Variants in BEND6 observed in about 807,000 individuals in gnomAD.
BEND6 encodes the protein BEN domain containing 6, also known as BEN domain-containing protein 6.
In BEND6, 24 loss-of-function variants were observed where a neutral mutation model predicts 31.8. The observed-to-expected ratio is 0.75, with a 90% CI of 0.55 to 1.06. The LOEUF is 1.06. Ranked by LOEUF, BEND6 falls within the 50% of genes least tolerant of loss-of-function variation. BEND6 has a pLI of 0.00. For synonymous variants in BEND6, 109 were observed against 114.6 expected (o/e 0.95, Z 0.31); for missense variants, 294 against 327.4 (o/e 0.90, Z 0.79).
At chr6:56,978,266 G>C (rs940766788) in intron 1 of BEND6, among the ~76,000 whole-genome samples, 13 of 152,184 alleles carry the variant, frequency 8.5e-5, no homozygotes, top group African/African-American at 2.9e-4. Context: ...CTGGGTGAGA[G>C]AGCAAGACCC....
chr6:56,995,246 A>T (rs1826663946), intron 3 of BEND6, among the ~76,000 whole-genome samples: 1 of 151,332 alleles, frequency 6.6e-6, no homozygotes, highest in East Asian at 1.9e-4. Flanking sequence ...CAAAAACCTC[A>T]CTTTCAGACC....
chr6:56,995,818 G>A (rs1007076162), intron 3 of BEND6, among the ~76,000 whole-genome samples: 20 of 152,230 alleles, frequency 1.3e-4, no homozygotes, highest in African/African-American at 4.3e-4. Context: ...TTAGTCTTCC[G>A]ACACATCTTT....
intron 1 of BEND6, among the ~76,000 whole-genome samples, chr6:56,956,544 C>T (rs1825045318): frequency 6.6e-6 from 1 of 152,324 alleles, no homozygotes; most frequent in South Asian, 2.1e-4. Flanking sequence ...CAGCTGGTTT[C>T]CTTAAACAAA....
chr6:57,009,926 ACTT>A (rs894987262), intron 3 of BEND6: 16 of 152,322 alleles, frequency 1.1e-4, no homozygotes, highest in South Asian at 4.1e-4. Context: ...TATGAAATGA[ACTT>A]CTGGGTAACC....
chr6:57,008,458 T>C, intron 3 of BEND6: 1 of 507,914 alleles, frequency 2.0e-6, no homozygotes, highest in Non-Finnish European at 3.5e-6. Context: ...TGGAGTGCTA[T>C]GCAGACCTGT....
At chr6:57,010,372 T>A (rs949303202) in intron 3 of BEND6, 6 of 152,232 alleles carry the variant, frequency 3.9e-5, no homozygotes, top group African/African-American at 1.2e-4. Flanking sequence ...CCTTACTGGA[T>A]CTTGATTCGA....
At chr6:56,975,271 G>A (rs1825832717) in intron 1 of BEND6, among the ~76,000 whole-genome samples, 1 of 148,598 alleles carries the variant, frequency 6.7e-6, no homozygotes, top group Admixed American at 6.7e-5. Flanking sequence ...AATGTTAAGG[G>A]GGTTGTAAAA....
intron 4 of BEND6, among the ~76,000 whole-genome samples, chr6:57,016,300 G>A (rs1827557978): frequency 6.6e-6 from 1 of 152,138 alleles, no homozygotes; most frequent in Admixed American, 6.6e-5. Flanking sequence ...TAGTGTATCA[G>A]TTACCTATTG....
chr6:56,963,942 GTAA>G (rs796638240), intron 1 of BEND6, among the ~76,000 whole-genome samples: 13 of 146,772 alleles, frequency 8.9e-5, no homozygotes, highest in African/African-American at 2.7e-4. Context: ...AAATATTTTT[GTAA>G]TAATATTGAT....
intron 1 of BEND6, among the ~76,000 whole-genome samples, chr6:56,972,977 T>C (rs556278602): frequency 6.6e-6 from 1 of 152,296 alleles, no homozygotes; most frequent in South Asian, 2.1e-4. Flanking sequence ...CTCTCTTCTG[T>C]GGAGCATTGA....
chr6:57,002,748 A>G (rs1371024576), intron 3 of BEND6, among the ~76,000 whole-genome samples: 2 of 152,176 alleles, frequency 1.3e-5, no homozygotes, highest in African/African-American at 4.8e-5. Flanking sequence ...CTAAACATTT[A>G]CCTCAAAAAG....
At chr6:56,996,725 C>T (rs1826727786) in intron 3 of BEND6, among the ~76,000 whole-genome samples, 1 of 152,206 alleles carries the variant, frequency 6.6e-6, no homozygotes, top group Non-Finnish European at 1.5e-5. Flanking sequence ...ATTTATTTTA[C>T]ACCCCACACT....
intron 3 of BEND6, among the ~76,000 whole-genome samples, chr6:56,994,786 A>G (rs1311776026): frequency 6.6e-6 from 1 of 152,204 alleles, no homozygotes; most frequent in Non-Finnish European, 1.5e-5. Flanking sequence ...AAATTTCATT[A>G]TAAATATAGA....
chr6:56,968,372 G>A (rs1459273606), intron 1 of BEND6, among the ~76,000 whole-genome samples: 1 of 124,412 alleles, frequency 8.0e-6, no homozygotes, highest in Non-Finnish European at 1.6e-5. Flanking sequence ...CCAGGCTGGA[G>A]TGCAGCAACA....
Position 57,017,201 on chromosome 6 carries a change from T to G in BEND6, c.520-6T>G. The G allele has an allele frequency of 6.4e-7, 1 of 1,570,512 alleles. No homozygotes were observed. The highest frequency in any genetic ancestry group is 8.6e-7 in the Non-Finnish European group (1 of 1,160,126). On this transcript the variant is annotated splice_polypyrimidine_tract_variant and splice_region_variant and intron_variant, in intron 4 of 6. Transcript: ENST00000370746. ...TTCCAACTTCAACTCTTTCTTATCT[T>G]TTTAGTTCCAGATTGAAAAATGGCA...
At chr6:56,999,051 G>C (rs1826830991) in intron 3 of BEND6, among the ~76,000 whole-genome samples, 2 of 152,214 alleles carry the variant, frequency 1.3e-5, no homozygotes, top group African/African-American at 4.8e-5. Context: ...TCACTCACAG[G>C]ACCCAGGCAG....
chr6:57,007,875 T>C (rs1036430299), intron 3 of BEND6, among the ~76,000 whole-genome samples: 3 of 152,054 alleles, frequency 2.0e-5, no homozygotes, highest in African/African-American at 7.2e-5. Flanking sequence ...GGAGGCCCAA[T>C]AACAGGAAGC....
At chr6:57,001,545 C>T (rs1196480712) in intron 3 of BEND6, among the ~76,000 whole-genome samples, 1 of 152,144 alleles carries the variant, frequency 6.6e-6, no homozygotes, top group Admixed American at 6.5e-5. Flanking sequence ...GTGGACTTCT[C>T]AACAGAAAAC....
intron 3 of BEND6, among the ~76,000 whole-genome samples, chr6:56,996,480 C>A (rs951796284): frequency 2.6e-5 from 4 of 151,536 alleles, no homozygotes; most frequent in Non-Finnish European, 4.4e-5. Flanking sequence ...CAAAAAAAAA[C>A]ACACAAAAAT....
Sources: gnomAD v4.1 joint callset for allele counts (sites outside exome capture counted in the v4.1 genomes callset) on GRCh38, gnomAD v4.1.1 for gene constraint, MANE v1.5 for transcripts, NCBI Gene and HGNC (gene_info 2026-07-23, HGNC 2026-07-21) for gene names.